The following TFDP2 variants were observed in gnomAD, a reference collection of about 807,000 sequenced individuals.
The protein encoded by TFDP2 is transcription factor Dp-2 (E2F dimerization partner 2).
In TFDP2, 17 loss-of-function variants were observed where a neutral mutation model predicts 59.3. The observed-to-expected ratio is 0.29, with a 90% CI of 0.20 to 0.43. The LOEUF (loss-of-function observed/expected upper bound fraction) is 0.43. Among genes scored for constraint, TFDP2 ranks in the 20% least tolerant of loss-of-function variants. The pLI is 1.00. For synonymous variants in TFDP2, 180 were observed against 194.7 expected (o/e 0.92, Z 0.63); for missense variants, 391 against 528.8 (o/e 0.74, Z 2.56).
At chr3:141,986,103 C>CT (rs1399703689) in intron 6 of TFDP2, among the ~76,000 whole-genome samples, 5 of 152,152 alleles carry the variant, frequency 3.3e-5, no homozygotes, top group African/African-American at 1.2e-4. Context: ...ACTCCTTAGT[C>CT]TGAGCTTAGT....
intron 1 of TFDP2, among the ~76,000 whole-genome samples, chr3:142,140,161 C>T (rs2062890776): frequency 6.6e-6 from 1 of 152,160 alleles, no homozygotes. Flanking sequence ...ATCAAATCGG[C>T]CTTTGAAGCT....
intron 4 of TFDP2, among the ~76,000 whole-genome samples, chr3:142,003,007 CTT>C (rs374593564): frequency 9.1e-5 from 13 of 142,690 alleles, no homozygotes; most frequent in Non-Finnish European, 1.2e-4. Flanking sequence ...CTCCCTTCAA[CTT>C]TTTTTTTTTT....
At chr3:142,107,096 A>G (rs1346250004) in intron 1 of TFDP2, among the ~76,000 whole-genome samples, 1 of 152,242 alleles carries the variant, frequency 6.6e-6, no homozygotes, top group Non-Finnish European at 1.5e-5. Flanking sequence ...AAAAAGCAAG[A>G]AACAAATATC....
intron 3 of TFDP2, among the ~76,000 whole-genome samples, chr3:142,010,564 G>A (rs562601057): frequency 2.1e-4 from 31 of 145,364 alleles, no homozygotes; most frequent in Non-Finnish European, 4.2e-4. Flanking sequence ...AGCCAAGATC[G>A]CGCTAATGAA....
chr3:142,013,008 G>A (rs897484481), intron 3 of TFDP2, among the ~76,000 whole-genome samples: 1 of 151,990 alleles, frequency 6.6e-6, no homozygotes, highest in Non-Finnish European at 1.5e-5. Context: ...ATGGTGGCAC[G>A]CATTTGTAAT....
At chr3:142,068,118 G>C (rs1157001523) in intron 3 of TFDP2, among the ~76,000 whole-genome samples, 1 of 150,712 alleles carries the variant, frequency 6.6e-6, no homozygotes, top group Non-Finnish European at 1.5e-5. Flanking sequence ...CCCTGAAACA[G>C]AACAATAAAA....
intron 3 of TFDP2, among the ~76,000 whole-genome samples, chr3:142,071,602 T>C (rs1393097195): frequency 6.6e-6 from 1 of 152,090 alleles, no homozygotes; most frequent in South Asian, 2.1e-4. Flanking sequence ...AAACAGAAAA[T>C]CAGCTGCAGT....
chr3:142,057,085 T>G (rs968646926), intron 3 of TFDP2, among the ~76,000 whole-genome samples: 2 of 152,226 alleles, frequency 1.3e-5, no homozygotes, highest in Non-Finnish European at 2.9e-5. Flanking sequence ...ACTGGCCATG[T>G]GGAGTCACCA....
In TFDP2 at chr3:142,139,919, C is replaced by T. The variant is rs545137291; in HGVS notation, c.-93+9264G>A. On this transcript the variant is annotated intron_variant, in intron 1 of 12. Coordinates refer to ENST00000489671, the MANE Select transcript of TFDP2 (RefSeq NM_001178139.2). ...TGAATTTCAATGTTGGCCTACCTTG[C>T]TAGGTTGGGGAAGTTCTCCTGGATA... Among the ~76,000 whole-genome samples the T allele has an allele frequency of 3.3e-5, 5 of 152,232 alleles. No individual in the cohort carries two copies. The East Asian group carries it at 9.6e-4, about 29-fold the overall frequency.
At chr3:141,975,587 A>C (rs1239138761) in intron 7 of TFDP2, among the ~76,000 whole-genome samples, 1 of 151,518 alleles carries the variant, frequency 6.6e-6, no homozygotes, top group Non-Finnish European at 1.5e-5. Context: ...CCAGCTACTC[A>C]GGAGGATGAG....
At chr3:142,016,018 A>G (rs1047045984) in intron 3 of TFDP2, among the ~76,000 whole-genome samples, 1 of 151,990 alleles carries the variant, frequency 6.6e-6, no homozygotes, top group African/African-American at 2.4e-5. Flanking sequence ...CAACTTCTTT[A>G]TTTTTTCCTT....
Position 142,037,810 on chromosome 3 carries a change from C to A in TFDP2, c.83-32266G>T, listed in dbSNP as rs529774727. On this transcript the variant is annotated intron_variant, in intron 3 of 12. Transcript: ENST00000489671. ...AGATTATCAGACATCAATAAATATT[C>A]TTTAAATACTCTCATGAATGCATAA... Among the ~76,000 whole-genome samples the A allele has an allele frequency of 2.6e-5, 4 of 152,278 alleles. No individual in the cohort carries two copies. The East Asian group carries it at 7.7e-4, about 29-fold the overall frequency.
At position 142,119,087 on chromosome 3, in the gene TFDP2, G is replaced by A. The variant is rs145815141; in HGVS notation, c.-92-17246C>T. ...GAGGCATGAGAACAGCTTGAACCCA[G>A]AAGGTAGAGGTTGCAGTGAGCCAAG... is the stretch of plus-strand genomic sequence containing the variant. On this transcript the variant is annotated intron_variant, in intron 1 of 12. Coordinates refer to ENST00000489671, the MANE Select transcript of TFDP2 (RefSeq NM_001178139.2). Among the ~76,000 whole-genome samples the A allele has an allele frequency of 3.8e-3, 581 of 152,234 alleles. 6 individuals are homozygous for A. The highest frequency in any genetic ancestry group is 0.013 in the African/African-American group (557 of 41,542).
At chr3:142,049,003 A>T (rs1947480327) in intron 3 of TFDP2, among the ~76,000 whole-genome samples, 1 of 152,240 alleles carries the variant, frequency 6.6e-6, no homozygotes, top group African/African-American at 2.4e-5. Context: ...AATAACGAAT[A>T]TGAAGGGCTT....
rs570829976 is a variant in TFDP2, at chr3:142,072,273, G to T, written c.82+20788C>A. ...TATTATAATATGTATCATTACAGAT[G>T]TGGACACTGTAGTTTAGAAAGATCA... is the stretch of plus-strand genomic sequence containing the variant. On this transcript the variant is annotated intron_variant, in intron 3 of 12. Coordinates refer to ENST00000489671, the MANE Select transcript of TFDP2 (RefSeq NM_001178139.2). Among the ~76,000 whole-genome samples, 3 of 152,328 alleles carry T rather than the reference G, an allele frequency of 2.0e-5. No individual in the cohort carries two copies. In the East Asian group the frequency reaches 5.8e-4, roughly 29 times the overall value.
At chr3:142,149,148 C>T (rs2063294802) in intron 1 of TFDP2, 35 bp downstream of exon 1, 1 of 397,876 alleles carries the variant, frequency 2.5e-6, no homozygotes, top group Non-Finnish European at 4.4e-6. Context: ...AAAGGCCCTC[C>T]GCGCGCGGGC....
At chr3:142,115,248 T>C (rs930199181) in intron 1 of TFDP2, among the ~76,000 whole-genome samples, 1 of 151,948 alleles carries the variant, frequency 6.6e-6, no homozygotes, top group South Asian at 2.1e-4. Context: ...ACCTCAAATA[T>C]CATTTCTAAA....
intron 3 of TFDP2, among the ~76,000 whole-genome samples, chr3:142,062,372 TACAC>T (rs2059945434): frequency 7.3e-6 from 1 of 136,702 alleles, no homozygotes; most frequent in Admixed American, 8.2e-5. Flanking sequence ...GCTGTATATA[TACAC>T]ATATATATAT....
intron 7 of TFDP2, among the ~76,000 whole-genome samples, chr3:141,977,916 T>C (rs1940943306): frequency 6.6e-6 from 1 of 151,398 alleles, no homozygotes; most frequent in Non-Finnish European, 1.5e-5. Flanking sequence ...TTCACAGTGT[T>C]AGCCAGGATG....
Sources: gnomAD v4.1 joint callset for allele counts (sites outside exome capture counted in the v4.1 genomes callset) on GRCh38, gnomAD v4.1.1 for gene constraint, MANE v1.5 for transcripts, NCBI Gene and HGNC (gene_info 2026-07-23, HGNC 2026-07-21) for gene names.